The following BBS9 variants were observed in gnomAD, a reference collection of about 807,000 sequenced individuals.
BBS9 encodes Bardet-Biedl syndrome 9.
BBS9 carries 89 observed loss-of-function variants against 117.7 expected under a neutral mutation model. The observed-to-expected ratio is 0.76, with a 90% CI of 0.64 to 0.90. The LOEUF is 0.90. BBS9 is among the 40% of genes least tolerant of loss of function. The pLI, the probability that BBS9 is intolerant of heterozygous loss-of-function variation, is 0.00. For missense variants in BBS9, 982 were observed against 1,042.2 expected, an observed-to-expected ratio of 0.94 and a Z score of 0.80; for synonymous variants, 379 against 370.9, an observed-to-expected ratio of 1.02 and a Z score of -0.25.
downstream of BBS9, among the ~76,000 whole-genome samples, chr7:33,610,059 G>A (rs1864778960): frequency 6.6e-6 from 1 of 152,036 alleles, no homozygotes; most frequent in African/African-American, 2.4e-5. Context: ...TTGTGCAAAA[G>A]CATATGACCA....
intron 20 of BBS9, among the ~76,000 whole-genome samples, chr7:33,521,589 A>T (rs1400658106): frequency 1.3e-5 from 2 of 151,542 alleles, no homozygotes; most frequent in Admixed American, 1.3e-4. Flanking sequence ...TCATTTTATG[A>T]TGAGTTGAAA....
intron 9 of BBS9, among the ~76,000 whole-genome samples, chr7:33,305,137 T>TAA (rs75957203): frequency 1.4e-5 from 2 of 139,194 alleles, no homozygotes; most frequent in Non-Finnish European, 3.1e-5. Flanking sequence ...CAATAAATAT[T>TAA]AAAAAAAAAA....
At position 33,627,962 on chromosome 7, in the gene BBS9, A is replaced by G. The variant is rs139847713; in HGVS notation, c.2522-7215A>G. ...GGCAAACTGAAGAGGTCAAGGCTGC[A>G]GTGAGCTGTGATTGTGCCACTACAT... On this transcript the variant is annotated intron_variant, in intron 21 of 21. Coordinates refer to the BBS9 transcript ENST00000671952. Among the ~76,000 whole-genome samples the G allele has an allele frequency of 1.1e-3, 174 of 152,274 alleles. 1 individual carries two copies. In the East Asian group the frequency reaches 0.032, roughly 28 times the overall value.
rs566068583 is a variant in BBS9, at chr7:33,387,701, T to C, written c.1963-291T>C. Among the ~76,000 whole-genome samples, 3 of 152,324 alleles carry C rather than the reference T, an allele frequency of 2.0e-5. No individual in the cohort carries two copies. In the East Asian group the frequency reaches 5.8e-4, roughly 29 times the overall value. On this transcript the variant is annotated intron_variant, in intron 18 of 22. Coordinates refer to ENST00000242067, the MANE Select transcript of BBS9 (RefSeq NM_198428.3). ...TTTTGCTGTAAAGAATGAGAAAAGA[T>C]TTCTATTTTTTCCCATGTAACCAAT...
intron 19 of BBS9, among the ~76,000 whole-genome samples, chr7:33,484,699 T>A (rs145109080): frequency 7.2e-5 from 11 of 152,050 alleles, no homozygotes; most frequent in African/African-American, 2.7e-4. Context: ...ATGGTAGGAG[T>A]GTAAATTAGT....
At chr7:33,624,220 A>C (rs1320570167) in intron 21 of BBS9, among the ~76,000 whole-genome samples, 1 of 152,180 alleles carries the variant, frequency 6.6e-6, no homozygotes, top group Non-Finnish European at 1.5e-5. Flanking sequence ...TAGTTTTCTA[A>C]ATGTAAAATT....
chr7:33,244,965 C>CA (rs1354944998), intron 5 of BBS9, among the ~76,000 whole-genome samples: 13 of 152,146 alleles, frequency 8.5e-5, no homozygotes, highest in African/African-American at 3.1e-4. Flanking sequence ...AATTAGTGCC[C>CA]CTTTTTGGTA....
At chr7:33,417,453 A>G (rs191245122) in intron 19 of BBS9, among the ~76,000 whole-genome samples, 92 of 152,354 alleles carry the variant, frequency 6.0e-4, no homozygotes, top group African/African-American at 1.8e-3. Context: ...ATATAGCCCA[A>G]CCTTCTACTG....
intron 19 of BBS9, among the ~76,000 whole-genome samples, chr7:33,409,131 T>C (rs142432555): frequency 6.6e-5 from 10 of 152,354 alleles, no homozygotes; most frequent in African/African-American, 2.2e-4. Context: ...TGATAATTTC[T>C]ATTGCCGTGC....
At chr7:33,545,924 C>CTTTTTTTTT (rs10537037) in intron 21 of BBS9, among the ~76,000 whole-genome samples, 3 of 64,612 alleles carry the variant, frequency 4.6e-5, no homozygotes, top group East Asian at 5.1e-4. Context: ...CTTTATAATC[C>CTTTTTTTTT]TTTTTTTTTT....
At chr7:33,394,574 T>G (rs1173718468) in intron 19 of BBS9, among the ~76,000 whole-genome samples, 1 of 152,094 alleles carries the variant, frequency 6.6e-6, no homozygotes, top group African/African-American at 2.4e-5. Context: ...CTAATAAAAT[T>G]TTGGGAAAAA....
At chr7:33,629,975 A>G (rs190316438) in intron 21 of BBS9, among the ~76,000 whole-genome samples, 1 of 152,296 alleles carries the variant, frequency 6.6e-6, no homozygotes, top group East Asian at 1.9e-4. Context: ...TCTTGTCAAC[A>G]GTTTATATTT....
chr7:33,529,754 CA>C (rs1321660114), intron 20 of BBS9, among the ~76,000 whole-genome samples: 1 of 152,164 alleles, frequency 6.6e-6, no homozygotes, highest in Admixed American at 6.5e-5. Flanking sequence ...CACTGAAGAG[CA>C]CATGCCCAAT....
intron 19 of BBS9, among the ~76,000 whole-genome samples, chr7:33,413,546 A>G (rs541345149): frequency 2.6e-4 from 39 of 152,196 alleles, no homozygotes; most frequent in African/African-American, 8.9e-4. Context: ...CATCAATATC[A>G]CTGTTTTCAG....
At chr7:33,473,326 C>G (rs920930570) in intron 19 of BBS9, among the ~76,000 whole-genome samples, 2 of 149,376 alleles carry the variant, frequency 1.3e-5, no homozygotes, top group African/African-American at 4.9e-5. Flanking sequence ...ACCCCACCCC[C>G]TCACCCCCCC....
At chr7:33,591,037 G>A (rs1189619841) in intron 21 of BBS9, among the ~76,000 whole-genome samples, 4 of 151,944 alleles carry the variant, frequency 2.6e-5, no homozygotes, top group African/African-American at 9.7e-5. Flanking sequence ...GGAGAAACAG[G>A]ATAGAATACA....
At chr7:33,542,707 G>A (rs879580954) in intron 21 of BBS9, among the ~76,000 whole-genome samples, 1,856 of 44,414 alleles carry the variant, frequency 0.042, 44 homozygotes, top group East Asian at 0.16. Flanking sequence ...ATATGTGTGT[G>A]TGTGTGTGTG....
chr7:33,360,689 T>TA (rs1305928720), intron 16 of BBS9, among the ~76,000 whole-genome samples: 2 of 151,018 alleles, frequency 1.3e-5, no homozygotes, highest in South Asian at 2.1e-4. Flanking sequence ...CCTAGCTAAT[T>TA]AAAAAAAAAT....
At chr7:33,418,960 T>C (rs1327934619) in intron 19 of BBS9, among the ~76,000 whole-genome samples, 1 of 152,230 alleles carries the variant, frequency 6.6e-6, no homozygotes, top group Non-Finnish European at 1.5e-5. Context: ...CAAGCATACC[T>C]TTCAGTGTTA....
Sources: gnomAD v4.1 joint callset for allele counts (sites outside exome capture counted in the v4.1 genomes callset) on GRCh38, gnomAD v4.1.1 for gene constraint, MANE v1.5 for transcripts, NCBI Gene and HGNC (gene_info 2026-07-23, HGNC 2026-07-21) for gene names.